Variants in EPHA6 observed in about 807,000 individuals in gnomAD.
EPHA6 encodes the protein ephrin type-A receptor 6.
EPHA6 carries 50 observed loss-of-function variants against 112.0 expected under a neutral mutation model. The ratio of observed to expected loss-of-function variants is 0.45; its 90% confidence interval spans 0.36 to 0.56. The LOEUF is 0.56. Among genes scored for constraint, EPHA6 ranks in the 20% least tolerant of loss-of-function variants. The pLI, the probability that EPHA6 is intolerant of heterozygous loss-of-function variation, is 0.00. For missense variants in EPHA6, 1,280 were observed against 1,417.4 expected (o/e 0.90, Z 1.56); for synonymous variants, 529 against 490.7 (o/e 1.08, Z -1.03).
At chr3:97,659,723 T>C (rs981263520) in intron 14 of EPHA6, among the ~76,000 whole-genome samples, 5 of 152,066 alleles carry the variant, frequency 3.3e-5, no homozygotes, top group Admixed American at 2.6e-4. Context: ...ATAATAGCAA[T>C]TGCAGGCACT....
chr3:97,278,950 C>T (rs1400038158), intron 5 of EPHA6, among the ~76,000 whole-genome samples: 1 of 152,138 alleles, frequency 6.6e-6, no homozygotes, highest in Non-Finnish European at 1.5e-5. Flanking sequence ...GATATTCCCA[C>T]ACAAGGTAAT....
At chr3:96,899,559 T>C (rs2038489988) in intron 2 of EPHA6, among the ~76,000 whole-genome samples, 1 of 152,220 alleles carries the variant, frequency 6.6e-6, no homozygotes, top group South Asian at 2.1e-4. Flanking sequence ...TTTTGATCAG[T>C]GTGTGTCCCT....
chr3:97,183,224 T>C (rs1290179489), intron 3 of EPHA6, among the ~76,000 whole-genome samples: 1 of 152,090 alleles, frequency 6.6e-6, no homozygotes, highest in Admixed American at 6.6e-5. Flanking sequence ...TACAATCGAG[T>C]AGAGTCAATG....
intron 2 of EPHA6, among the ~76,000 whole-genome samples, chr3:96,873,260 T>C (rs2036743539): frequency 6.6e-6 from 1 of 150,894 alleles, no homozygotes. Flanking sequence ...AAAGATTTCA[T>C]CTCAGAAAAA....
intron 10 of EPHA6, among the ~76,000 whole-genome samples, chr3:97,522,855 CT>C (rs2092564816): frequency 6.6e-6 from 1 of 151,780 alleles, no homozygotes; most frequent in South Asian, 2.1e-4. Context: ...ACTTATGATC[CT>C]TTGTGTTTCT....
chr3:97,346,074 G>A (rs144019721), intron 5 of EPHA6, among the ~76,000 whole-genome samples: 1 of 152,114 alleles, frequency 6.6e-6, no homozygotes, highest in Non-Finnish European at 1.5e-5. Context: ...AACCAGCAAG[G>A]TTTCTGATAT....
intron 5 of EPHA6, among the ~76,000 whole-genome samples, chr3:97,371,500 G>A (rs1394457156): frequency 6.6e-6 from 1 of 152,102 alleles, no homozygotes; most frequent in African/African-American, 2.4e-5. Flanking sequence ...TCCTATGCCT[G>A]CTTTACTTTA....
intron 11 of EPHA6, among the ~76,000 whole-genome samples, chr3:97,537,080 A>G (rs938108841): frequency 6.6e-6 from 1 of 152,204 alleles, no homozygotes; most frequent in East Asian, 1.9e-4. Context: ...AAGTTCAGGA[A>G]GAAATAAGCA....
intron 2 of EPHA6, among the ~76,000 whole-genome samples, chr3:96,870,821 A>T (rs1199147714): frequency 6.6e-6 from 1 of 152,096 alleles, no homozygotes; most frequent in Non-Finnish European, 1.5e-5. Context: ...CAAAGGTTGG[A>T]TGTACTATGA....
chr3:96,966,513 C>T (rs773271551), intron 2 of EPHA6, among the ~76,000 whole-genome samples: 1 of 152,006 alleles, frequency 6.6e-6, no homozygotes, highest in African/African-American at 2.4e-5. Flanking sequence ...AGAGATTTGG[C>T]GTAATTACGT....
At chr3:96,972,350 C>A (rs2042345570) in intron 2 of EPHA6, among the ~76,000 whole-genome samples, 1 of 151,500 alleles carries the variant, frequency 6.6e-6, no homozygotes, top group Admixed American at 6.6e-5. Flanking sequence ...AGGATATGGT[C>A]TTACAGCATG....
chr3:97,363,023 G>T (rs976686998), intron 5 of EPHA6, among the ~76,000 whole-genome samples: 2 of 149,870 alleles, frequency 1.3e-5, no homozygotes, highest in Admixed American at 1.3e-4. Flanking sequence ...GCTTTTTCTA[G>T]AAGTGTAATT....
intron 2 of EPHA6, among the ~76,000 whole-genome samples, chr3:96,905,379 A>T (rs1319920534): frequency 6.6e-6 from 1 of 151,906 alleles, no homozygotes; most frequent in Non-Finnish European, 1.5e-5. Flanking sequence ...TAATATTCAG[A>T]ATTATTAGTC....
At chr3:96,925,165 T>C (rs1021730268) in intron 2 of EPHA6, among the ~76,000 whole-genome samples, 1 of 152,196 alleles carries the variant, frequency 6.6e-6, no homozygotes, top group African/African-American at 2.4e-5. Context: ...CCTCATAGAA[T>C]GAGTCAGGGA....
chr3:96,943,298 A>G (rs750657547), intron 2 of EPHA6, among the ~76,000 whole-genome samples: 1 of 152,142 alleles, frequency 6.6e-6, no homozygotes, highest in Non-Finnish European at 1.5e-5. Flanking sequence ...CTCACCAAAA[A>G]GAAATGATAA....
chr3:97,608,856 T>C (rs1416402665), intron 12 of EPHA6, among the ~76,000 whole-genome samples: 2 of 151,388 alleles, frequency 1.3e-5, no homozygotes, highest in Non-Finnish European at 3.0e-5. Context: ...AAATGCTGTC[T>C]GAAAGGCACC....
chr3:97,733,811 A>G (rs1051548779), intron 15 of EPHA6, among the ~76,000 whole-genome samples: 1 of 152,076 alleles, frequency 6.6e-6, no homozygotes, highest in Non-Finnish European at 1.5e-5. Context: ...GGATCCAAGT[A>G]AAAACATTGA....
At chr3:97,338,358 C>A (rs1170405872) in intron 5 of EPHA6, among the ~76,000 whole-genome samples, 1 of 152,042 alleles carries the variant, frequency 6.6e-6, no homozygotes, top group African/African-American at 2.4e-5. Flanking sequence ...CCCTTTGATA[C>A]CTGGGGGGTC....
intron 14 of EPHA6, among the ~76,000 whole-genome samples, chr3:97,697,415 T>C (rs1397921799): frequency 6.6e-6 from 1 of 152,090 alleles, no homozygotes; most frequent in Admixed American, 6.5e-5. Flanking sequence ...TTAATAAAAA[T>C]AAAGGACATT....
Sources: gnomAD v4.1 joint callset for allele counts (sites outside exome capture counted in the v4.1 genomes callset) on GRCh38, gnomAD v4.1.1 for gene constraint, MANE v1.5 for transcripts, NCBI Gene and HGNC (gene_info 2026-07-23, HGNC 2026-07-21) for gene names.